Variants in ELL observed in about 807,000 individuals in gnomAD.
ELL encodes the protein elongation factor for RNA polymerase II, also known as RNA polymerase II elongation factor ELL.
ELL carries 18 observed loss-of-function variants against 64.0 expected under a neutral mutation model. The observed-to-expected ratio is 0.28, with a 90% CI of 0.19 to 0.42. The LOEUF (loss-of-function observed/expected upper bound fraction) is 0.42, where lower values mean the gene tolerates loss of function less well. ELL is among the 10% of genes least tolerant of loss of function. The pLI, the probability that ELL is intolerant of heterozygous loss-of-function variation, is 1.00. For missense variants in ELL, 797 were observed against 870.4 expected, an observed-to-expected ratio of 0.92 and a Z score of 1.06; for synonymous variants, 399 against 376.2, an observed-to-expected ratio of 1.06 and a Z score of -0.70.
At chr19:18,448,908 C>T (rs1466951913) in intron 8 of ELL, 1 of 152,238 alleles carries the variant, frequency 6.6e-6, no homozygotes, top group Non-Finnish European at 1.5e-5. Flanking sequence ...CAGCCCACGT[C>T]TCTCTACTTG....
chr19:18,484,637 C>CT, intron 1 of ELL, among the ~76,000 whole-genome samples: 1 of 152,210 alleles, frequency 6.6e-6, no homozygotes, highest in African/African-American at 2.4e-5. Context: ...GAGATACTGT[C>CT]TTTAGAACAA....
intron 1 of ELL, among the ~76,000 whole-genome samples, chr19:18,506,487 G>T (rs1034424954): frequency 6.6e-6 from 1 of 152,258 alleles, no homozygotes; most frequent in Admixed American, 6.5e-5. Context: ...AGCACATTGG[G>T]AGGCCAAGGC....
intron 1 of ELL, among the ~76,000 whole-genome samples, chr19:18,481,061 C>T (rs1975290350): frequency 6.6e-6 from 1 of 152,214 alleles, no homozygotes; most frequent in Non-Finnish European, 1.5e-5. Flanking sequence ...GCTCCACGCA[C>T]CTTGCTTGCT....
intron 7 of ELL, among the ~76,000 whole-genome samples, chr19:18,451,258 C>T (rs1974527642): frequency 6.6e-6 from 1 of 152,322 alleles, no homozygotes; most frequent in East Asian, 1.9e-4. Flanking sequence ...CATGCTTCCC[C>T]AGTGATAACT....
chr19:18,479,185 TC>T (rs1975239823), intron 1 of ELL, among the ~76,000 whole-genome samples: 1 of 152,016 alleles, frequency 6.6e-6, no homozygotes, highest in Non-Finnish European at 1.5e-5. Context: ...GCGGGGACAG[TC>T]CCCACCATCT....
chr19:18,514,197 G>C (rs979142828), intron 1 of ELL, among the ~76,000 whole-genome samples: 3 of 151,854 alleles, frequency 2.0e-5, no homozygotes, highest in Non-Finnish European at 4.4e-5. Context: ...GGTTTATTTG[G>C]ACACCAGCTT....
chr19:18,444,833 G>A lies in ELL; in HGVS notation c.1785C>T (p.Cys595=), dbSNP rs567209720. The A allele has an allele frequency of 2.2e-5, 35 of 1,612,122 alleles. No homozygotes were observed. Among genetic ancestry groups the A allele is most frequent in the Non-Finnish European group, 2.8e-5 (33 of 1,179,934 alleles). ...NTNYSQEKHR[C]EYLHSKLAHI... Reference sequence around the variant, plus strand: ...GGGCCAGCTTGCTGTGCAGGTACTCGCAGCGGTGCTTCTCCTGGCTGTAGT... The same window carrying A: ...GGGCCAGCTTGCTGTGCAGGTACTCACAGCGGTGCTTCTCCTGGCTGTAGT... Residue 595 remains cysteine (C), a synonymous_variant, in exon 12 of 12, where the codon TGC becomes TGT. Coordinates refer to ENST00000262809, the MANE Select transcript of ELL (RefSeq NM_006532.4).
At chr19:18,508,859 G>T (rs1373721820) in intron 1 of ELL, among the ~76,000 whole-genome samples, 1 of 152,128 alleles carries the variant, frequency 6.6e-6, no homozygotes, top group Non-Finnish European at 1.5e-5. Flanking sequence ...TTTGGCCACA[G>T]TTTACCAACA....
rs963622114 is a variant in ELL, at chr19:18,449,876, C to A, written c.1465+601G>T. ...GTGCTACTGCTGCTCAGTTTAGGTG[C>A]CTGGGCTGTGGTCTCGGAGCCGCCC... On this transcript the variant is annotated intron_variant, in intron 8 of 11. Coordinates refer to ENST00000262809, the MANE Select transcript of ELL (RefSeq NM_006532.4). This position sits in a 1 kb window ranked among gnomAD's most constrained non-coding sequence, Gnocchi z 4.4. Among the ~76,000 whole-genome samples the A allele has an allele frequency of 1.3e-5, 2 of 152,228 alleles. No homozygotes were observed. Among genetic ancestry groups the A allele is most frequent in the Admixed American group, 6.5e-5 (1 of 15,292 alleles).
rs751769914 is a variant in ELL, at chr19:18,450,495, C to T, written c.1447G>A (p.Ala483Thr). ...CACCTACCTGGGGTGTCTGCTGGGG[C>T]TCCGGGGGTGGCATGGGTGGCAGGT... Reference protein sequence around the residue: ...CAPATHATPGAPADTPGLNGT... With the variant: ...CAPATHATPGTPADTPGLNGT... The change falls in exon 8 of 12, where the codon GCC becomes ACC. Residue 483 changes from alanine (A) to threonine (T), a missense_variant. By Grantham distance (58) the Ala-to-Thr change is moderately conservative. Coordinates refer to ENST00000262809, the MANE Select transcript of ELL (RefSeq NM_006532.4). 6.2e-7 allele frequency: 1 copy of T among 1,612,936 alleles called. No homozygotes were observed. The highest frequency in any genetic ancestry group is 8.5e-7 in the Non-Finnish European group (1 of 1,179,876).
intron 6 of ELL, among the ~76,000 whole-genome samples, chr19:18,456,961 GAAA>G (rs34664859): frequency 3.3e-3 from 461 of 137,770 alleles, no homozygotes; most frequent in African/African-American, 0.01. Context: ...TGCTAAATAG[GAAA>G]AAAAAAAAAA....
At chr19:18,490,591 T>C (rs1055643256) in intron 1 of ELL, among the ~76,000 whole-genome samples, 20 of 152,330 alleles carry the variant, frequency 1.3e-4, no homozygotes, top group African/African-American at 4.6e-4. Context: ...ACTTTCTTCA[T>C]CAGAGTGTGC....
chr19:18,517,192 T>TC (rs912881524), intron 1 of ELL, among the ~76,000 whole-genome samples: 15 of 152,076 alleles, frequency 9.9e-5, no homozygotes, highest in African/African-American at 2.4e-5. Flanking sequence ...CTCTCCCCTC[T>TC]CCCAGAAATC....
chr19:18,465,292 C>T lies in ELL; in HGVS notation c.469+120G>A, dbSNP rs551822567. The T allele has an allele frequency of 5.4e-4, 742 of 1,375,596 alleles. 7 individuals are homozygous for T. The South Asian group carries it at 6.5e-3, about 12-fold the overall frequency. 85.2% of individuals were successfully genotyped at this position (1,375,596 alleles called of 1,614,324 possible). ...ACGTCCTGCTCAGGGACCGACTCCTCGGTTGACCCATCATTTCTGTGCAGG... is the reference window on the plus strand; with the variant it reads ...ACGTCCTGCTCAGGGACCGACTCCTTGGTTGACCCATCATTTCTGTGCAGG... On this transcript the variant is annotated intron_variant, in intron 4 of 11. Transcript: ENST00000262809.
intron 1 of ELL, among the ~76,000 whole-genome samples, chr19:18,485,803 G>A (rs868764830): frequency 6.6e-6 from 1 of 152,074 alleles, no homozygotes; most frequent in Non-Finnish European, 1.5e-5. Context: ...TGGTTAACAC[G>A]GTGAAACCCC....
intron 5 of ELL, among the ~76,000 whole-genome samples, chr19:18,460,171 A>C (rs1374531026): frequency 3.3e-5 from 5 of 151,846 alleles, no homozygotes; most frequent in Non-Finnish European, 2.9e-5. Flanking sequence ...CAGTTTTGTC[A>C]CTGCCATTCC....
chr19:18,459,539 A>C (rs1213862047), intron 5 of ELL, among the ~76,000 whole-genome samples: 1 of 139,404 alleles, frequency 7.2e-6, no homozygotes, highest in Admixed American at 7.2e-5. Context: ...TTTTTTTTTG[A>C]GATGGAGTCT....
rs1438642062 is a variant in ELL at position 18,509,593 on chromosome 19, G to GCGCGCGCGCGCGCGCACACA, written c.135+12327_135+12328insTGTGTGCGCGCGCGCGCGCG. Among the ~76,000 whole-genome samples the GCGCGCGCGCGCGCGCACACA allele has an allele frequency of 1.3e-4, 11 of 83,232 alleles. 1 individual carries two copies. The highest frequency in any genetic ancestry group is 4.2e-4 in the Admixed American group (3 of 7,156). 54.6% of individuals were successfully genotyped at this position (83,232 alleles called of 152,430 possible). On this transcript the variant is annotated intron_variant, in intron 1 of 11. Coordinates refer to ENST00000262809, the MANE Select transcript of ELL (RefSeq NM_006532.4). Reference sequence around the variant, plus strand: ...CAGGCCAATGCACGTGCGCGCGCGCGCACATACACACACACACACACACAC... The same window carrying GCGCGCGCGCGCGCGCACACA: ...CAGGCCAATGCACGTGCGCGCGCGCGCGCGCGCGCGCGCGCACACACACATACACACACACACACACACAC...
chr19:18,465,933 A>G lies in ELL; in HGVS notation c.184-15T>C. On this transcript the variant is annotated splice_polypyrimidine_tract_variant and intron_variant, in intron 2 of 11. Coordinates refer to ENST00000262809, the MANE Select transcript of ELL (RefSeq NM_006532.4). ...ATGGAGATGTGCTGCGTGGAGGGGGAGGGGGTGTCACTGGGAGGTCCTCGG... is the reference window on the plus strand; with the variant it reads ...ATGGAGATGTGCTGCGTGGAGGGGGGGGGGGTGTCACTGGGAGGTCCTCGG... 1.6e-6 allele frequency: 2 copies of G among 1,290,172 alleles called. No individual in the cohort carries two copies. Among genetic ancestry groups the G allele is most frequent in the South Asian group, 3.3e-5 (1 of 30,018 alleles). The allele number at this position is 1,290,172 out of a possible 1,614,324, so 79.9% of individuals were successfully genotyped here. A position where few individuals can be genotyped will look rare whatever the true frequency, so the allele number is the denominator to read the frequency against.
Sources: allele counts gnomAD v4.1 joint callset (sites outside exome capture counted in the v4.1 genomes callset), GRCh38; gene constraint gnomAD v4.1.1; non-coding constraint Gnocchi (gnomAD v3.1); transcripts MANE v1.5; gene names NCBI Gene and HGNC (gene_info 2026-07-23, HGNC 2026-07-21).